Variants in MARK1 observed in about 807,000 individuals in gnomAD.
MARK1 encodes serine/threonine-protein kinase MARK1.
A neutral mutation model predicts 96.3 loss-of-function variants in MARK1; 40 were observed. That is an observed-to-expected ratio of 0.42 (90% CI 0.32 to 0.54). The LOEUF (loss-of-function observed/expected upper bound fraction) is 0.54, where lower values mean the gene tolerates loss of function less well. Ranked by LOEUF, MARK1 falls within the 20% of genes least tolerant of loss-of-function variation. MARK1 has a pLI of 0.16. For synonymous variants in MARK1, 317 were observed against 341.2 expected (o/e 0.93, Z 0.78); for missense variants, 719 against 984.6 (o/e 0.73, Z 3.61).
At chr1:220,545,473 C>G (rs1428017103) in intron 1 of MARK1, among the ~76,000 whole-genome samples, 2 of 83,692 alleles carry the variant, frequency 2.4e-5, no homozygotes, top group Admixed American at 1.9e-4. Flanking sequence ...GAGATAGGTT[C>G]TTGCTCAGGC....
chr1:220,632,119 G>A (rs896178549), intron 10 of MARK1, 82 bp from the exon 11 acceptor site: 1 of 596,910 alleles, frequency 1.7e-6, no homozygotes, highest in East Asian at 3.0e-5. Flanking sequence ...CATATTCAAA[G>A]ATGGCAAACT....
Position 220,618,257 on chromosome 1 carries a change from TTTTTA to T in MARK1, c.553-46_553-42del. 8.7e-7 allele frequency: 1 copy of T among 1,154,752 alleles called. No individual in the cohort carries two copies. 71.5% of individuals were successfully genotyped at this position (1,154,752 alleles called of 1,614,324 possible). On this transcript the variant is annotated intron_variant, in intron 7 of 17. Transcript: ENST00000366917. The surrounding 1 kb of genome is among the most constrained non-coding windows in gnomAD (Gnocchi z 4.6). ...GGAAGCTAAAACTCTTTTACAAATA[TTTTTA>T]TTTTATGTAGGCTTTTTACATTGTT...
At chr1:220,610,919 A>G (rs1025285872) in intron 6 of MARK1, among the ~76,000 whole-genome samples, 1 of 152,100 alleles carries the variant, frequency 6.6e-6, no homozygotes, top group Non-Finnish European at 1.5e-5. Context: ...AACAGAGAAT[A>G]TTGCTGCCTG....
rs532771539 is a variant in MARK1 at position 220,531,591 on chromosome 1, T to C, written c.51+2718T>C. ...AATATATATTCAGGATAAATAAAAA[T>C]CCCAAAAGAGGAATATTATAGCACT... On this transcript the variant is annotated intron_variant, in intron 1 of 17. Coordinates refer to ENST00000366917, the MANE Select transcript of MARK1 (RefSeq NM_018650.5). Among the ~76,000 whole-genome samples the C allele has an allele frequency of 3.9e-5, 6 of 152,254 alleles. No homozygotes were observed. The East Asian group carries it at 1.2e-3, about 29-fold the overall frequency.
intron 7 of MARK1, among the ~76,000 whole-genome samples, chr1:220,616,637 T>TA (rs1469804326): frequency 6.6e-6 from 1 of 152,208 alleles, no homozygotes; most frequent in Non-Finnish European, 1.5e-5. Flanking sequence ...CTTTATCAAC[T>TA]ACTATCACCA....
rs1396786204 is a variant in MARK1 at position 220,583,671 on chromosome 1, C to CAA, written c.309+2554_309+2555insAA. ...CTGGGTTCTTTTTTTTTTTTTGAGA[C>CAA]AGAGTCTTGCTCTGTTGCCCAGGCT... On this transcript the variant is annotated intron_variant, in intron 3 of 17. Coordinates refer to ENST00000366917, the MANE Select transcript of MARK1 (RefSeq NM_018650.5). Among the ~76,000 whole-genome samples, 4 of 149,716 alleles carry CAA rather than the reference C, an allele frequency of 2.7e-5. No individual in the cohort carries two copies. In the East Asian group the frequency reaches 7.9e-4, roughly 30 times the overall value.
At position 220,540,472 on chromosome 1, in the gene MARK1, G is replaced by C. The variant is rs547864142; in HGVS notation, c.51+11599G>C. Among the ~76,000 whole-genome samples the C allele has an allele frequency of 1.2e-4, 19 of 152,296 alleles. No homozygotes were observed. The East Asian group carries it at 2.1e-3, about 17-fold the overall frequency. ...CTGATCAAAATGCTAACCTCTTCTG[G>C]AAAAACTCTCTTGGATATACCCCAA... is the stretch of plus-strand genomic sequence containing the variant. On this transcript the variant is annotated intron_variant, in intron 1 of 17. Transcript: ENST00000366917.
chr1:220,609,742 C>G (rs1184846025), intron 6 of MARK1, among the ~76,000 whole-genome samples: 1 of 152,176 alleles, frequency 6.6e-6, no homozygotes. Flanking sequence ...TATTGTAAGG[C>G]AGGCCTGGTG....
chr1:220,635,685 T>C lies in MARK1; in HGVS notation c.1277-148T>C, dbSNP rs190988777. On this transcript the variant is annotated intron_variant, in intron 12 of 17. Coordinates refer to ENST00000366917, the MANE Select transcript of MARK1 (RefSeq NM_018650.5). ...TAAATATAATCCCTTTTGCAGGGAC[T>C]GACCTGATTTTTGAAATCAAAATTT... The C allele has an allele frequency of 3.7e-3, 4,194 of 1,136,890 alleles. 11 individuals carry two copies. Among genetic ancestry groups the C allele is most frequent in the Non-Finnish European group, 4.5e-3 (3,651 of 816,514 alleles). 70.4% of individuals were successfully genotyped at this position (1,136,890 alleles called of 1,614,324 possible).
At chr1:220,657,866 G>C (rs776354316) in intron 17 of MARK1, 32 bp downstream of exon 17, 1 of 1,476,944 alleles carries the variant, frequency 6.8e-7, no homozygotes. Context: ...TTCGCTGCTA[G>C]GTCCCTGTGT....
intron 1 of MARK1, among the ~76,000 whole-genome samples, chr1:220,564,670 A>G (rs907866161): frequency 6.6e-6 from 1 of 152,160 alleles, no homozygotes; most frequent in Non-Finnish European, 1.5e-5. Flanking sequence ...TTTCTTATAA[A>G]GTACCATATC....
At chr1:220,574,098 C>G (rs1320233784) in intron 1 of MARK1, among the ~76,000 whole-genome samples, 3 of 152,112 alleles carry the variant, frequency 2.0e-5, no homozygotes, top group African/African-American at 7.2e-5. Flanking sequence ...TCATATCTGT[C>G]TGTTCCTTCA....
At chr1:220,575,862 C>T (rs1663793541) in intron 1 of MARK1, among the ~76,000 whole-genome samples, 1 of 150,992 alleles carries the variant, frequency 6.6e-6, no homozygotes, top group African/African-American at 2.4e-5. Flanking sequence ...TATTATTTCT[C>T]CAGAATCGTT....
At chr1:220,647,582 G>A in intron 13 of MARK1, among the ~76,000 whole-genome samples, 1 of 151,998 alleles carries the variant, frequency 6.6e-6, no homozygotes, top group East Asian at 1.9e-4. Flanking sequence ...TGTTATAAAG[G>A]TTCATGCACA....
At chr1:220,602,677 G>C (rs1665825303) in intron 5 of MARK1, among the ~76,000 whole-genome samples, 1 of 151,996 alleles carries the variant, frequency 6.6e-6, no homozygotes, top group Non-Finnish European at 1.5e-5. Flanking sequence ...GAGTCAACTA[G>C]AGCATCCATT....
intron 1 of MARK1, among the ~76,000 whole-genome samples, chr1:220,532,623 G>A (rs1435230272): frequency 1.3e-5 from 2 of 152,156 alleles, no homozygotes; most frequent in Middle Eastern, 3.2e-3. Context: ...ATCCTTCAAG[G>A]TGAATAATGA....
intron 1 of MARK1, among the ~76,000 whole-genome samples, chr1:220,531,872 A>T (rs1006417879): frequency 2.6e-5 from 4 of 152,190 alleles, no homozygotes; most frequent in Non-Finnish European, 5.9e-5. Flanking sequence ...ATTTTAGATT[A>T]TAAACAGTAA....
intron 2 of MARK1, among the ~76,000 whole-genome samples, chr1:220,580,006 G>A (rs1175542465): frequency 6.6e-6 from 1 of 151,844 alleles, no homozygotes; most frequent in Non-Finnish European, 1.5e-5. Context: ...TAAGATAATT[G>A]GATTTCTAAA....
intron 13 of MARK1, among the ~76,000 whole-genome samples, chr1:220,642,570 G>A (rs1286635323): frequency 2.0e-5 from 3 of 152,178 alleles, no homozygotes; most frequent in African/African-American, 7.2e-5. Context: ...GAGTCTGGGC[G>A]TTCAGAATGA....
Sources: gnomAD v4.1 joint callset for allele counts (sites outside exome capture counted in the v4.1 genomes callset) on GRCh38, gnomAD v4.1.1 for gene constraint, Gnocchi (gnomAD v3.1) non-coding constraint, MANE v1.5 for transcripts, NCBI Gene and HGNC (gene_info 2026-07-23, HGNC 2026-07-21) for gene names.